The following CD82 variants were observed in gnomAD, a reference collection of about 807,000 sequenced individuals.
CD82 encodes the protein CD82 antigen.
Under a neutral mutation model 37.4 loss-of-function variants are expected in CD82, and 36 were observed. The observed-to-expected ratio is 0.96, with a 90% confidence interval of 0.74 to 1.27. CD82 has a LOEUF of 1.27. Ranked by LOEUF, CD82 falls within the 50% of genes most tolerant of loss-of-function variation. CD82 has a pLI of 0.00. For synonymous variants in CD82, 158 were observed against 137.4 expected (o/e 1.15, Z -1.05); for missense variants, 340 against 347.0 (o/e 0.98, Z 0.16).
intron 1 of CD82, among the ~76,000 whole-genome samples, chr11:44,572,509 AGGGATGGGATGTT>A (rs1379343902): frequency 6.6e-6 from 1 of 152,110 alleles, no homozygotes; most frequent in Non-Finnish European, 1.5e-5. Flanking sequence ...TTTTCGAAGG[AGGGATGGGATGTT>A]GGTTTGAAGT....
At chr11:44,616,648 G>A (rs759144423) in intron 7 of CD82, among the ~76,000 whole-genome samples, 39 of 152,170 alleles carry the variant, frequency 2.6e-4, no homozygotes, top group Non-Finnish European at 1.8e-4. Context: ...CTATACAATG[G>A]GGCTACTGAC....
intron 6 of CD82, chr11:44,606,133 C>T (rs1853391869): frequency 1.3e-5 from 2 of 152,448 alleles, no homozygotes; most frequent in African/African-American, 4.8e-5. Context: ...TGCCACAGCA[C>T]CAGGCACGAT....
chr11:44,596,862 C>T (rs183056556), intron 3 of CD82: 2 of 455,646 alleles, frequency 4.4e-6, no homozygotes, highest in East Asian at 1.4e-4. Flanking sequence ...GAGCAGTGGG[C>T]TTCCATCAAA....
At chr11:44,577,649 T>C (rs1296995864) in intron 1 of CD82, among the ~76,000 whole-genome samples, 1 of 152,206 alleles carries the variant, frequency 6.6e-6, no homozygotes, top group African/African-American at 2.4e-5. Flanking sequence ...AACCCTGGTT[T>C]CCTTCGTCGA....
intron 1 of CD82, among the ~76,000 whole-genome samples, chr11:44,585,541 C>T (rs1853041409): frequency 2.0e-5 from 3 of 152,140 alleles, no homozygotes; most frequent in Admixed American, 2.0e-4. Context: ...AGCCTGATGG[C>T]GATTCATCTT....
chr11:44,588,918 A>G (rs1218087903), intron 2 of CD82, among the ~76,000 whole-genome samples: 4 of 152,248 alleles, frequency 2.6e-5, no homozygotes, highest in South Asian at 2.1e-4. Context: ...TTAAAATTGT[A>G]GTTGCTCAGA....
intron 1 of CD82, among the ~76,000 whole-genome samples, chr11:44,584,843 C>A (rs1271797705): frequency 6.6e-6 from 1 of 152,240 alleles, no homozygotes. Flanking sequence ...TGTGCCCAGC[C>A]TCTTCCCGTG....
intron 1 of CD82, among the ~76,000 whole-genome samples, chr11:44,583,346 C>CT (rs1174934963): frequency 1.3e-5 from 2 of 152,358 alleles, no homozygotes; most frequent in African/African-American, 2.4e-5. Flanking sequence ...AAGCCCCTTT[C>CT]TTTATCTAAA....
At chr11:44,584,382 G>A (rs923071103) in intron 1 of CD82, among the ~76,000 whole-genome samples, 13 of 152,198 alleles carry the variant, frequency 8.5e-5, no homozygotes, top group Non-Finnish European at 1.3e-4. Context: ...TGCTTCCCGG[G>A]TTCAAGCAGT....
At chr11:44,564,597 C>T, upstream of CD82, 1 of 420,304 alleles carries the variant, frequency 2.4e-6, no homozygotes, top group Non-Finnish European at 4.8e-6. Flanking sequence ...TCTTGCAGCC[C>T]ACCTCAATTT....
chr11:44,581,866 C>T (rs964991941), intron 1 of CD82, among the ~76,000 whole-genome samples: 4 of 152,190 alleles, frequency 2.6e-5, no homozygotes, highest in Admixed American at 6.5e-5. Context: ...CCTCTGTGTC[C>T]ACCTTCTTCA....
chr11:44,577,525 C>T (rs114059432), intron 1 of CD82, among the ~76,000 whole-genome samples: 1,829 of 151,918 alleles, frequency 0.012, 40 homozygotes, highest in African/African-American at 0.041. Flanking sequence ...TGGGTCCAAG[C>T]CCCTGCAGGG....
chr11:44,577,718 C>T (rs1261535173), intron 1 of CD82, among the ~76,000 whole-genome samples: 1 of 152,164 alleles, frequency 6.6e-6, no homozygotes, highest in Non-Finnish European at 1.5e-5. Flanking sequence ...AGATAAAGTG[C>T]AAAACATCTA....
intron 6 of CD82, among the ~76,000 whole-genome samples, chr11:44,612,567 G>C (rs1315629519): frequency 7.0e-6 from 1 of 143,094 alleles, no homozygotes; most frequent in African/African-American, 2.6e-5. Context: ...ATCATGCTGA[G>C]AGCTTTATTG....
In CD82 at chr11:44,597,177, G is replaced by A. The variant is rs2134661057; in HGVS notation, c.63+2452G>A. 6.6e-6 allele frequency among the ~76,000 whole-genome samples: 1 copy of A among 152,358 alleles called. No homozygotes were observed. The highest frequency in any genetic ancestry group is 1.5e-5 in the Non-Finnish European group (1 of 68,038). On this transcript the variant is annotated intron_variant, in intron 3 of 9. Coordinates refer to ENST00000227155, the MANE Select transcript of CD82 (RefSeq NM_002231.4). This position sits in a 1 kb window ranked among gnomAD's most constrained non-coding sequence, Gnocchi z 4.1. ...CTGCTATGTGTGCTCGCGCCTGCGTGCATGTGCACCTGTATGTCTTTGCCT... is the reference window on the plus strand; with the variant it reads ...CTGCTATGTGTGCTCGCGCCTGCGTACATGTGCACCTGTATGTCTTTGCCT...
chr11:44,567,351 C>T (rs954694688), intron 1 of CD82, among the ~76,000 whole-genome samples: 7 of 151,460 alleles, frequency 4.6e-5, no homozygotes, highest in African/African-American at 7.3e-5. Context: ...GGGACAGAGA[C>T]GGACTGGCGG....
chr11:44,587,206 G>A (rs1378279343), intron 1 of CD82: 1 of 346,156 alleles, frequency 2.9e-6, no homozygotes, highest in African/African-American at 2.1e-5. Context: ...GCCAAGGCTT[G>A]TGGGAAAATA....
intron 3 of CD82, among the ~76,000 whole-genome samples, chr11:44,598,400 ATTTTTTTTTTTTTTTTTT>A (rs71038809): frequency 1.7e-5 from 1 of 58,880 alleles, no homozygotes; most frequent in Non-Finnish European, 3.0e-5. Context: ...TTTGGCCTTA[ATTTTTTTTTTTTTTTTTT>A]TTTTTTTTTT....
intron 1 of CD82, chr11:44,573,149 T>A (rs963637839): frequency 3.3e-5 from 5 of 152,222 alleles, no homozygotes; most frequent in Admixed American, 1.3e-4. Flanking sequence ...GGTGTTTCCC[T>A]GGCAGAGGTC....
Sources: gnomAD v4.1 joint callset for allele counts (sites outside exome capture counted in the v4.1 genomes callset) on GRCh38, gnomAD v4.1.1 for gene constraint, Gnocchi (gnomAD v3.1) non-coding constraint, MANE v1.5 for transcripts, NCBI Gene and HGNC (gene_info 2026-07-23, HGNC 2026-07-21) for gene names.